SPCS2: variants seen among roughly 807,000 people sequenced by gnomAD.
The protein encoded by SPCS2 is signal peptidase complex subunit 2, also known as SPase 25 kDa subunit.
Under a neutral mutation model 22.3 loss-of-function variants are expected in SPCS2, and 3 were observed. The ratio of observed to expected loss-of-function variants is 0.13; its 90% confidence interval spans 0.06 to 0.35. The LOEUF is 0.35. SPCS2 is among the 10% of genes least tolerant of loss of function. SPCS2 has a pLI of 1.00. For missense variants in SPCS2, 169 were observed against 280.9 expected, an observed-to-expected ratio of 0.60 and a Z score of 2.85; for synonymous variants, 67 against 97.2, an observed-to-expected ratio of 0.69 and a Z score of 1.83.
At chr11:74,969,005 GCTCT>G (rs1485564885) in intron 3 of SPCS2, among the ~76,000 whole-genome samples, 13 of 152,080 alleles carry the variant, frequency 8.5e-5, no homozygotes, top group East Asian at 3.9e-4. Context: ...TATACACAAA[GCTCT>G]TATGCCAGTT....
Position 74,969,605 on chromosome 11 carries a change from T to C in SPCS2, c.400T>C (p.Tyr134His). 1.2e-6 allele frequency: 2 copies of C among 1,613,462 alleles called. No individual in the cohort carries two copies. Among genetic ancestry groups the C allele is most frequent in the Non-Finnish European group, 1.7e-6 (2 of 1,179,468 alleles). The change falls in exon 4 of 5, where the codon TAT (tyrosine) becomes CAT (histidine). Residue 134 changes from tyrosine to histidine, a missense_variant. Tyr to His is a moderately conservative substitution (Grantham distance 83). Transcript: ENST00000263672. ...MMGILTIYTS[Y>H]KEKSIFLVAH... Reference sequence around the variant, plus strand: ...GGGGATTCTGACCATTTATACCTCATATAAGGAGAAGAGCATCTTTCTCGT... The same window carrying C: ...GGGGATTCTGACCATTTATACCTCACATAAGGAGAAGAGCATCTTTCTCGT...
chr11:74,961,543 T>G (rs1948514521), intron 1 of SPCS2, among the ~76,000 whole-genome samples: 1 of 149,540 alleles, frequency 6.7e-6, no homozygotes, highest in Non-Finnish European at 1.5e-5. Flanking sequence ...TTTGTTTGTT[T>G]GTTTGTTTGT....
At chr11:74,966,526 T>C (rs1948546833) in intron 3 of SPCS2, among the ~76,000 whole-genome samples, 2 of 152,230 alleles carry the variant, frequency 1.3e-5, no homozygotes, top group Admixed American at 1.3e-4. Context: ...TAAATATGGG[T>C]AGCATTCAGA....
At chr11:74,952,023 C>T (rs1233457870) in intron 1 of SPCS2, among the ~76,000 whole-genome samples, 1 of 152,054 alleles carries the variant, frequency 6.6e-6, no homozygotes, top group Non-Finnish European at 1.5e-5. Flanking sequence ...AAGTAGATAG[C>T]ATCTGATTAG....
chr11:74,969,567 A>G lies in SPCS2; in HGVS notation c.362A>G (p.Tyr121Cys), dbSNP rs368688920. Residue 121 changes from tyrosine to cysteine, a missense_variant and splice_region_variant, in exon 4 of 5, where the codon TAT becomes TGT. This residue lies in a region of SPCS2 where 118 missense variants were observed against 243.1 expected (regional missense o/e 0.49). Transcript: ENST00000263672. Reference protein sequence around the residue: ...KPVLALCVISYFVMMGILTIY... With the variant: ...KPVLALCVISCFVMMGILTIY... ...TTTCCCCTTAACTTTATTTGAACCT[A>G]TTTTGTGATGATGGGGATTCTGACC... 4 of 1,613,020 alleles carry G rather than the reference A, an allele frequency of 2.5e-6. No homozygotes were observed. The highest frequency in any genetic ancestry group is 1.1e-5 in the South Asian group (1 of 91,010).
At chr11:74,957,870 A>G (rs931917460) in intron 1 of SPCS2, among the ~76,000 whole-genome samples, 1 of 152,204 alleles carries the variant, frequency 6.6e-6, no homozygotes, top group South Asian at 2.1e-4. Flanking sequence ...ACTTTAGAAG[A>G]TGTTAGTTGC....
At chr11:74,972,891 TA>T (rs537680448) in intron 4 of SPCS2, among the ~76,000 whole-genome samples, 1,254 of 76,788 alleles carry the variant, frequency 0.016, 6 homozygotes, top group South Asian at 0.027. Flanking sequence ...TATATATATA[TA>T]TATTTTTTTT....
At chr11:74,963,656 C>T (rs1948527751) in intron 1 of SPCS2, 3 of 427,916 alleles carry the variant, frequency 7.0e-6, no homozygotes, top group South Asian at 5.1e-5. Context: ...GCTGTTCTGC[C>T]ACCTCAGCCT....
At chr11:74,950,836 A>G (rs1004910356) in intron 1 of SPCS2, among the ~76,000 whole-genome samples, 4 of 152,166 alleles carry the variant, frequency 2.6e-5, no homozygotes, top group African/African-American at 7.2e-5. Flanking sequence ...ATAAGTCACC[A>G]TGCACCTGGC....
At chr11:74,961,677 A>G (rs1948515112) in intron 1 of SPCS2, among the ~76,000 whole-genome samples, 1 of 151,182 alleles carries the variant, frequency 6.6e-6, no homozygotes, top group African/African-American at 2.4e-5. Context: ...AGTAGCTGGG[A>G]TTACTTAGCC....
intron 1 of SPCS2, among the ~76,000 whole-genome samples, chr11:74,952,780 G>T (rs1000900386): frequency 2.6e-5 from 4 of 152,162 alleles, no homozygotes; most frequent in Non-Finnish European, 4.4e-5. Context: ...AATAAGTGAG[G>T]GACAGAAGAG....
intron 4 of SPCS2, among the ~76,000 whole-genome samples, chr11:74,973,526 T>G (rs1948598768): frequency 6.6e-6 from 1 of 152,242 alleles, no homozygotes; most frequent in Non-Finnish European, 1.5e-5. Context: ...AATTTCAGTT[T>G]TAAGTATCCC....
rs12274949 is a variant in SPCS2, at chr11:74,965,306, A to G, written c.198+189A>G. On this transcript the variant is annotated intron_variant, in intron 2 of 4. Coordinates refer to ENST00000263672, the MANE Select transcript of SPCS2 (RefSeq NM_014752.3). Reference sequence around the variant, plus strand: ...TGTTGAAATATCACCAACATGGCACATGTATACATATGTAACAAACCTGCA... The same window carrying G: ...TGTTGAAATATCACCAACATGGCACGTGTATACATATGTAACAAACCTGCA... 2,255 of 473,814 alleles carry G rather than the reference A, an allele frequency of 4.8e-3. 53 individuals carry two copies. The highest frequency in any genetic ancestry group is 0.041 in the African/African-American group (2,046 of 50,342). The allele number at this position is 473,814 out of a possible 1,614,324, so 29.4% of individuals were successfully genotyped here.
intron 1 of SPCS2, among the ~76,000 whole-genome samples, chr11:74,964,696 C>T (rs1224685281): frequency 6.6e-6 from 1 of 152,198 alleles, no homozygotes; most frequent in Non-Finnish European, 1.5e-5. Context: ...GTCTGTGCAG[C>T]CCATATACGT....
Position 74,977,880 on chromosome 11 carries a change from GATAATAACA to G in SPCS2, c.*848_*856del, listed in dbSNP as rs1354499507. The G allele has an allele frequency of 1.3e-5, 2 of 152,100 alleles. No homozygotes were observed. Among genetic ancestry groups the G allele is most frequent in the African/African-American group, 4.8e-5 (2 of 41,406 alleles). 9.4% of individuals were successfully genotyped at this position (152,100 alleles called of 1,614,324 possible). A position where few individuals can be genotyped will look rare whatever the true frequency, so the allele number is the denominator to read the frequency against. ...GCTAAGGAACTCTTAGCTTTCCAGT[GATAATAACA>G]ATAATAACAACATTCTGTACTTACT... On this transcript the variant is annotated 3_prime_UTR_variant, in exon 5 of 5. Coordinates refer to ENST00000263672, the MANE Select transcript of SPCS2 (RefSeq NM_014752.3).
intron 1 of SPCS2, among the ~76,000 whole-genome samples, chr11:74,953,245 C>T (rs1948456996): frequency 1.3e-5 from 2 of 149,998 alleles, no homozygotes. Context: ...GACAGAGTCT[C>T]GATTTGTCGC....
intron 3 of SPCS2, chr11:74,968,340 G>A (rs1256502609): frequency 6.6e-6 from 1 of 151,658 alleles, no homozygotes; most frequent in Non-Finnish European, 1.5e-5. Flanking sequence ...TTTATTTTTT[G>A]ATACAGGGTC....
chr11:74,974,913 C>G (rs997495026), intron 4 of SPCS2, among the ~76,000 whole-genome samples: 1 of 152,132 alleles, frequency 6.6e-6, no homozygotes, highest in Non-Finnish European at 1.5e-5. Flanking sequence ...GGCACCCGGC[C>G]CACTGTAATG....
chr11:74,966,443 A>T (rs1286245220), intron 3 of SPCS2, among the ~76,000 whole-genome samples: 2 of 152,230 alleles, frequency 1.3e-5, no homozygotes, highest in Non-Finnish European at 2.9e-5. Context: ...TGGGTTTGAA[A>T]TCCAAGGTAT....
Sources: allele counts gnomAD v4.1 joint callset (sites outside exome capture counted in the v4.1 genomes callset), GRCh38; gene constraint gnomAD v4.1.1; regional missense constraint gnomAD v4.1.1; transcripts MANE v1.5; gene names NCBI Gene and HGNC (gene_info 2026-07-23, HGNC 2026-07-21).